PLEKHM3: variants seen among roughly 807,000 people sequenced by gnomAD.
PLEKHM3 encodes the protein pleckstrin homology domain-containing family M member 3.
In PLEKHM3, 45 loss-of-function variants were observed where a neutral mutation model predicts 81.8. That is an observed-to-expected ratio of 0.55 (90% CI 0.43 to 0.71). The LOEUF (loss-of-function observed/expected upper bound fraction) is 0.71, where lower values mean the gene tolerates loss of function less well. Among genes scored for constraint, PLEKHM3 ranks in the 30% least tolerant of loss-of-function variants. PLEKHM3 has a pLI of 0.00. For synonymous variants in PLEKHM3, 352 were observed against 356.4 expected (o/e 0.99, Z 0.14); for missense variants, 788 against 924.3 (o/e 0.85, Z 1.91).
intron 6 of PLEKHM3, among the ~76,000 whole-genome samples, chr2:207,881,594 C>T (rs1323965449): frequency 6.6e-6 from 1 of 152,184 alleles, no homozygotes; most frequent in Non-Finnish European, 1.5e-5. Context: ...TTCCCAAATT[C>T]TCTGTAATCA....
At chr2:207,975,440 T>A (rs967850832) in intron 3 of PLEKHM3, among the ~76,000 whole-genome samples, 1 of 152,178 alleles carries the variant, frequency 6.6e-6, no homozygotes, top group Non-Finnish European at 1.5e-5. Flanking sequence ...AGACTTGAAT[T>A]AAAACCTTCC....
chr2:207,880,085 C>A (rs1473681752), intron 6 of PLEKHM3, among the ~76,000 whole-genome samples: 1 of 152,168 alleles, frequency 6.6e-6, no homozygotes, highest in East Asian at 1.9e-4. Flanking sequence ...AAAAAATTAG[C>A]CTGCTCCCAA....
intron 6 of PLEKHM3, among the ~76,000 whole-genome samples, chr2:207,907,507 CG>C (rs1688650116): frequency 6.7e-6 from 1 of 149,632 alleles, no homozygotes; most frequent in African/African-American, 2.5e-5. Flanking sequence ...GTCTCACAAA[CG>C]AAAGGAAAAA....
intron 6 of PLEKHM3, chr2:207,868,731 C>A (rs893119984): frequency 3.3e-5 from 5 of 152,100 alleles, no homozygotes; most frequent in African/African-American, 9.7e-5. Context: ...TCCTTTTAAA[C>A]ACTTGAGATT....
intron 1 of PLEKHM3, among the ~76,000 whole-genome samples, chr2:208,020,992 G>A (rs573740500): frequency 1.4e-4 from 22 of 152,188 alleles, no homozygotes; most frequent in African/African-American, 4.1e-4. Flanking sequence ...ATTAAAGTCA[G>A]GCCTTTTGAA....
At chr2:207,908,818 A>G (rs1386482171) in intron 5 of PLEKHM3, among the ~76,000 whole-genome samples, 2 of 152,226 alleles carry the variant, frequency 1.3e-5, no homozygotes, top group Non-Finnish European at 2.9e-5. Context: ...CTTAAGTGCT[A>G]TAAGCACTGC....
chr2:207,977,200 A>G lies in PLEKHM3; in HGVS notation c.997T>C (p.Tyr333His). Residue 333 changes from tyrosine to histidine, a missense_variant, in exon 3 of 8, where the codon TAT becomes CAT. Tyr to His is a moderately conservative substitution (Grantham distance 83). Transcript: ENST00000427836. ...TTCTGGAAACTATGATTCTGTGTATAGTCATCATGATGGCCAAGCCCTGGT... is the reference window on the plus strand; with the variant it reads ...TTCTGGAAACTATGATTCTGTGTATGGTCATCATGATGGCCAAGCCCTGGT... Reference protein sequence around the residue: ...ISPGLGHHDDYTQNHSFQKKT... With the variant: ...ISPGLGHHDDHTQNHSFQKKT... 10 of 1,614,180 alleles carry G rather than the reference A, an allele frequency of 6.2e-6. No individual in the cohort carries two copies. The highest frequency in any genetic ancestry group is 8.5e-6 in the Non-Finnish European group (10 of 1,180,026).
At chr2:207,914,000 ACAGT>A (rs772325844) in intron 5 of PLEKHM3, among the ~76,000 whole-genome samples, 13 of 151,994 alleles carry the variant, frequency 8.6e-5, no homozygotes, top group Non-Finnish European at 1.6e-4. Flanking sequence ...CACCCCACAC[ACAGT>A]ATTTTCCTAA....
chr2:207,857,448 G>C (rs2092442560), intron 7 of PLEKHM3, among the ~76,000 whole-genome samples: 1 of 151,768 alleles, frequency 6.6e-6, no homozygotes, highest in Non-Finnish European at 1.5e-5. Flanking sequence ...GTGAAAGTTT[G>C]GTATTATTCC....
At chr2:207,955,486 A>G (rs1690472451) in intron 3 of PLEKHM3, among the ~76,000 whole-genome samples, 1 of 152,254 alleles carries the variant, frequency 6.6e-6, no homozygotes, top group Non-Finnish European at 1.5e-5. Context: ...CAGGCTTACT[A>G]TAAGCCAGGC....
At chr2:207,860,254 A>C (rs1461186784) in intron 7 of PLEKHM3, among the ~76,000 whole-genome samples, 1 of 144,898 alleles carries the variant, frequency 6.9e-6, no homozygotes, top group African/African-American at 2.6e-5. Flanking sequence ...TGTGTGGGCC[A>C]ACCCAAATTC....
intron 6 of PLEKHM3, among the ~76,000 whole-genome samples, chr2:207,863,915 A>G (rs1236865057): frequency 6.8e-6 from 1 of 147,580 alleles, no homozygotes; most frequent in Non-Finnish European, 1.5e-5. Flanking sequence ...AGCAAAAAAA[A>G]TATATATATA....
intron 7 of PLEKHM3, 67 bp from the exon 8 acceptor site, chr2:207,828,563 G>A (rs2092266390): frequency 6.7e-7 from 1 of 1,495,904 alleles, no homozygotes. Flanking sequence ...GGGAAGCCCT[G>A]TGGCCTCAGG....
intron 4 of PLEKHM3, among the ~76,000 whole-genome samples, chr2:207,940,239 C>T (rs1410211216): frequency 6.6e-6 from 1 of 152,194 alleles, no homozygotes; most frequent in African/African-American, 2.4e-5. Flanking sequence ...AAAATAGTAA[C>T]AGCTTCCATT....
At chr2:207,890,569 A>G (rs570072008) in intron 6 of PLEKHM3, among the ~76,000 whole-genome samples, 1 of 152,208 alleles carries the variant, frequency 6.6e-6, no homozygotes, top group Admixed American at 6.5e-5. Context: ...TGGAGGTTGC[A>G]GTGAGCCAAG....
At chr2:207,913,951 C>G (rs376898244) in intron 5 of PLEKHM3, among the ~76,000 whole-genome samples, 27 of 151,978 alleles carry the variant, frequency 1.8e-4, no homozygotes, top group African/African-American at 6.5e-4. Flanking sequence ...ACACACACTC[C>G]CCTGACCGCG....
At chr2:207,950,014 G>A (rs547232045) in intron 3 of PLEKHM3, among the ~76,000 whole-genome samples, 1 of 152,268 alleles carries the variant, frequency 6.6e-6, no homozygotes, top group South Asian at 2.1e-4. Flanking sequence ...CATGCTGGGG[G>A]ATCAACTCAG....
chr2:208,008,790 C>T (rs756040074), intron 1 of PLEKHM3, among the ~76,000 whole-genome samples: 4 of 152,210 alleles, frequency 2.6e-5, no homozygotes, highest in Non-Finnish European at 4.4e-5. Flanking sequence ...TCTTCCTTCC[C>T]TTCCTGGTCA....
intron 6 of PLEKHM3, among the ~76,000 whole-genome samples, chr2:207,875,156 T>C (rs1404959716): frequency 2.0e-5 from 3 of 151,988 alleles, no homozygotes; most frequent in East Asian, 3.8e-4. Context: ...ATTTCCTATT[T>C]ATATGAAAAA....
Sources: allele counts gnomAD v4.1 joint callset (sites outside exome capture counted in the v4.1 genomes callset), GRCh38; gene constraint gnomAD v4.1.1; transcripts MANE v1.5; gene names NCBI Gene and HGNC (gene_info 2026-07-23, HGNC 2026-07-21).